Variants in MACROD2 observed in about 807,000 individuals in gnomAD.
MACROD2 encodes the protein mono-ADP ribosylhydrolase 2.
MACROD2 carries 36 observed loss-of-function variants against 70.4 expected under a neutral mutation model. The ratio of observed to expected loss-of-function variants is 0.51; its 90% CI spans 0.39 to 0.68. MACROD2 has a LOEUF of 0.68. Ranked by LOEUF, MACROD2 falls within the 30% of genes least tolerant of loss-of-function variation. The probability of loss-of-function intolerance (pLI) is 0.00; values close to 1 mark genes in which losing one functional copy is unlikely to be tolerated. For synonymous variants in MACROD2, 172 were observed against 178.8 expected (o/e 0.96, Z 0.30); for missense variants, 496 against 538.4 (o/e 0.92, Z 0.78).
chr20:14,555,203 GC>G (rs1180333335), intron 4 of MACROD2, among the ~76,000 whole-genome samples: 1 of 152,068 alleles, frequency 6.6e-6, no homozygotes, highest in Non-Finnish European at 1.5e-5. Flanking sequence ...CATTGCATAT[GC>G]CCGTATCAAA....
intron 5 of MACROD2, among the ~76,000 whole-genome samples, chr20:14,733,339 A>G (rs897647453): frequency 1.3e-5 from 2 of 152,182 alleles, no homozygotes; most frequent in African/African-American, 4.8e-5. Flanking sequence ...TTGATTGGTG[A>G]TAGTGAACAG....
At chr20:15,003,016 T>C (rs1029111077) in intron 5 of MACROD2, among the ~76,000 whole-genome samples, 5 of 152,204 alleles carry the variant, frequency 3.3e-5, no homozygotes, top group African/African-American at 1.2e-4. Context: ...TCTAATTTGA[T>C]TGGTTTTGCT....
intron 7 of MACROD2, among the ~76,000 whole-genome samples, chr20:15,454,974 G>T (rs6079837): frequency 6.6e-6 from 1 of 151,812 alleles, no homozygotes; most frequent in Non-Finnish European, 1.5e-5. Context: ...CTTTACTGTC[G>T]AAGGCCATCT....
At chr20:14,049,366 G>T (rs2053529904) in intron 2 of MACROD2, among the ~76,000 whole-genome samples, 1 of 152,064 alleles carries the variant, frequency 6.6e-6, no homozygotes, top group African/African-American at 2.4e-5. Flanking sequence ...TGGACCTCAA[G>T]GAACTCTATT....
chr20:14,759,706 C>CA (rs1363229055), intron 5 of MACROD2, among the ~76,000 whole-genome samples: 5 of 151,902 alleles, frequency 3.3e-5, no homozygotes, highest in Non-Finnish European at 5.9e-5. Context: ...AAGGCTAAGA[C>CA]AAAAATGGTA....
At chr20:14,132,063 G>A (rs909415700) in intron 3 of MACROD2, among the ~76,000 whole-genome samples, 5 of 150,688 alleles carry the variant, frequency 3.3e-5, no homozygotes, top group Admixed American at 2.6e-4. Flanking sequence ...CCCGGGAGGC[G>A]GAGCTTGCAG....
chr20:15,872,980 T>G (rs749094810), intron 9 of MACROD2, among the ~76,000 whole-genome samples: 11 of 152,202 alleles, frequency 7.2e-5, no homozygotes, highest in African/African-American at 1.2e-4. Flanking sequence ...CAAAGTTTAC[T>G]CAAAACCATA....
chr20:15,906,226 A>T (rs76808489), intron 10 of MACROD2, among the ~76,000 whole-genome samples: 157 of 152,382 alleles, frequency 1.0e-3, no homozygotes, highest in Admixed American at 2.0e-3. Context: ...TGGTGTATCC[A>T]AAAACGCAGA....
At chr20:14,156,867 A>G (rs1436079154) in intron 3 of MACROD2, among the ~76,000 whole-genome samples, 2 of 152,186 alleles carry the variant, frequency 1.3e-5, no homozygotes, top group Non-Finnish European at 2.9e-5. Flanking sequence ...ATGTAATTTC[A>G]CTGTAAGGGT....
At chr20:14,595,944 C>T (rs1344512294) in intron 4 of MACROD2, among the ~76,000 whole-genome samples, 1 of 152,092 alleles carries the variant, frequency 6.6e-6, no homozygotes, top group Non-Finnish European at 1.5e-5. Flanking sequence ...TACTTTACTT[C>T]AGAGAGGAGT....
chr20:14,475,262 C>T (rs2084578251), intron 3 of MACROD2, among the ~76,000 whole-genome samples: 1 of 152,058 alleles, frequency 6.6e-6, no homozygotes, highest in Non-Finnish European at 1.5e-5. Context: ...TAACTCCATT[C>T]CCTCCAATAT....
intron 8 of MACROD2, among the ~76,000 whole-genome samples, chr20:15,674,876 AGC>A (rs1348298489): frequency 1.3e-5 from 2 of 152,116 alleles, no homozygotes; most frequent in African/African-American, 2.4e-5. Context: ...TTTGGAGTTG[AGC>A]CAAGCCATTC....
chr20:15,590,984 G>A (rs952987773), intron 8 of MACROD2, among the ~76,000 whole-genome samples: 10 of 140,236 alleles, frequency 7.1e-5, no homozygotes, highest in Admixed American at 1.5e-4. Context: ...AGAAAGAAAA[G>A]AAGAGAGAGA....
At chr20:15,803,086 A>T (rs1191073223) in intron 8 of MACROD2, among the ~76,000 whole-genome samples, 1 of 152,168 alleles carries the variant, frequency 6.6e-6, no homozygotes, top group Non-Finnish European at 1.5e-5. Context: ...AAAGTTATAA[A>T]GAAAACTAGC....
At chr20:15,069,122 C>A (rs574991199) in intron 5 of MACROD2, among the ~76,000 whole-genome samples, 2 of 152,112 alleles carry the variant, frequency 1.3e-5, no homozygotes, top group Non-Finnish European at 2.9e-5. Flanking sequence ...ATTGCATCCA[C>A]GTCTGAGGCC....
chr20:15,030,075 G>A lies in MACROD2; in HGVS notation c.419-199865G>A, dbSNP rs1178402522. Among the ~76,000 whole-genome samples the A allele has an allele frequency of 3.9e-5, 5 of 129,088 alleles. 1 individual carries two copies. The highest frequency in any genetic ancestry group is 4.8e-4 in the South Asian group (2 of 4,150). The allele number at this position is 129,088 out of a possible 152,430, so 84.7% of individuals were successfully genotyped here. A position where few individuals can be genotyped will look rare whatever the true frequency, so the allele number is the denominator to read the frequency against. On this transcript the variant is annotated intron_variant, in intron 5 of 17. Transcript: ENST00000684519. ...CAGCCTGGTGACAGAGCAAGACTCC[G>A]TCTCCAAAAAAAAAAAAAAAAAAAC...
At chr20:14,498,030 T>G (rs1218224530) in intron 4 of MACROD2, among the ~76,000 whole-genome samples, 1 of 151,684 alleles carries the variant, frequency 6.6e-6, no homozygotes, top group Admixed American at 6.6e-5. Flanking sequence ...TTCAGTGCCT[T>G]GTGTTAGTAC....
intron 5 of MACROD2, among the ~76,000 whole-genome samples, chr20:14,706,663 C>CG (rs1215602703): frequency 6.6e-6 from 1 of 151,986 alleles, no homozygotes; most frequent in African/African-American, 2.4e-5. Flanking sequence ...GCAACCAGCC[C>CG]GGCTGGGCAG....
chr20:15,720,099 C>A (rs6034274), intron 8 of MACROD2, among the ~76,000 whole-genome samples: 1 of 152,136 alleles, frequency 6.6e-6, no homozygotes, highest in Non-Finnish European at 1.5e-5. Flanking sequence ...ATCCTCAAGC[C>A]TCATCCACAT....
Sources: allele counts gnomAD v4.1 joint callset (sites outside exome capture counted in the v4.1 genomes callset), GRCh38; gene constraint gnomAD v4.1.1; transcripts MANE v1.5; gene names NCBI Gene and HGNC (gene_info 2026-07-23, HGNC 2026-07-21).